The following FBXW7 variants were observed in gnomAD, a reference collection of about 807,000 sequenced individuals.
The protein encoded by FBXW7 is F-box and WD repeat domain containing 7.
A neutral mutation model predicts 86.3 loss-of-function variants in FBXW7; 11 were observed. The ratio of observed to expected loss-of-function variants is 0.13; its 90% CI spans 0.08 to 0.21. The LOEUF is 0.21. FBXW7 is among the 10% of genes least tolerant of loss of function. The pLI is 1.00. For missense variants in FBXW7, 488 were observed against 847.4 expected (o/e 0.58, Z 5.27); for synonymous variants, 313 against 297.9 (o/e 1.05, Z -0.52).
intron 2 of FBXW7, among the ~76,000 whole-genome samples, chr4:152,465,365 A>G (rs1208180137): frequency 6.6e-6 from 1 of 152,220 alleles, no homozygotes; most frequent in Non-Finnish European, 1.5e-5. Flanking sequence ...ATAGGTCACC[A>G]AAATCCTCTT....
chr4:152,436,856 T>G (rs574373182), intron 2 of FBXW7, among the ~76,000 whole-genome samples: 44 of 152,338 alleles, frequency 2.9e-4, no homozygotes, highest in Middle Eastern at 6.8e-3. Flanking sequence ...TGTTGAGACC[T>G]ACTGCTCAGA....
intron 2 of FBXW7, among the ~76,000 whole-genome samples, chr4:152,447,674 G>A (rs1741532147): frequency 1.3e-5 from 2 of 152,024 alleles, no homozygotes; most frequent in South Asian, 4.2e-4. Context: ...ATCCTCATCA[G>A]TATCCCTTAG....
At chr4:152,420,377 C>T (rs1434309970) in intron 2 of FBXW7, among the ~76,000 whole-genome samples, 3 of 152,072 alleles carry the variant, frequency 2.0e-5, no homozygotes, top group East Asian at 3.9e-4. Context: ...TTCAAAGTTG[C>T]CCATGGGGGT....
intron 2 of FBXW7, among the ~76,000 whole-genome samples, chr4:152,486,945 T>C (rs1023230520): frequency 5.9e-5 from 9 of 152,118 alleles, no homozygotes; most frequent in African/African-American, 1.9e-4. Context: ...AACGTCACTA[T>C]GCGATAGAAA....
intron 5 of FBXW7, among the ~76,000 whole-genome samples, chr4:152,349,610 C>A (rs1731608751): frequency 6.6e-6 from 1 of 151,842 alleles, no homozygotes; most frequent in African/African-American, 2.4e-5. Context: ...AAATTTCTAA[C>A]ACATTAATTT....
intron 13 of FBXW7, chr4:152,323,564 AG>A (rs1728734073): frequency 5.4e-6 from 1 of 186,886 alleles, no homozygotes; most frequent in Non-Finnish European, 1.1e-5. Flanking sequence ...AACTCTGAGG[AG>A]AGACAAAACC....
rs150242201 is a variant in FBXW7, at chr4:152,377,804, C to T, written c.502-27680G>A. On this transcript the variant is annotated intron_variant, in intron 4 of 13. Coordinates refer to ENST00000281708, the MANE Select transcript of FBXW7 (RefSeq NM_001349798.2). ...TGATTAGATACGCAAAAATAAAATT[C>T]TTCCTCCCACAAACACAAAGGAACT... is the stretch of plus-strand genomic sequence containing the variant. Among the ~76,000 whole-genome samples the T allele has an allele frequency of 1.3e-3, 188 of 149,864 alleles. 8 individuals are homozygous for T. In the East Asian group the frequency reaches 0.034, roughly 27 times the overall value.
intron 2 of FBXW7, among the ~76,000 whole-genome samples, chr4:152,415,687 G>T (rs1211006601): frequency 2.6e-5 from 4 of 152,052 alleles, no homozygotes; most frequent in Non-Finnish European, 5.9e-5. Context: ...ATGGTTGCCT[G>T]TTGGGTCCTT....
At chr4:152,348,449 G>T in intron 5 of FBXW7, among the ~76,000 whole-genome samples, 1 of 151,846 alleles carries the variant, frequency 6.6e-6, no homozygotes. Context: ...CTTCCTAACC[G>T]AGAGTCTCCA....
At chr4:152,343,676 A>G (rs889393403) in intron 6 of FBXW7, among the ~76,000 whole-genome samples, 18 of 152,168 alleles carry the variant, frequency 1.2e-4, no homozygotes, top group Admixed American at 9.8e-4. Context: ...GAAAAGTTTA[A>G]GTGAAAAACC....
intron 2 of FBXW7, among the ~76,000 whole-genome samples, chr4:152,439,646 A>ACGT (rs1340221615): frequency 6.6e-6 from 1 of 152,098 alleles, no homozygotes; most frequent in East Asian, 1.9e-4. Flanking sequence ...CGGGCCGATC[A>ACGT]CGAGGTCAGG....
At position 152,350,128 on chromosome 4, in the gene FBXW7, T is replaced by C; in HGVS notation, c.502-4A>G. On this transcript the variant is annotated splice_region_variant and splice_polypyrimidine_tract_variant and intron_variant, in intron 4 of 13. Coordinates refer to ENST00000281708, the MANE Select transcript of FBXW7 (RefSeq NM_001349798.2). ...CATGGTCCAACTTTCTTTTCATCTA[T>C]AAGGTAAAACAAACAAGATATGTTT... The C allele has an allele frequency of 6.5e-7, 1 of 1,531,530 alleles. No individual in the cohort carries two copies. The highest frequency in any genetic ancestry group is 8.9e-7 in the Non-Finnish European group (1 of 1,129,270). 94.9% of individuals were successfully genotyped at this position (1,531,530 alleles called of 1,614,324 possible). A position where few individuals can be genotyped will look rare whatever the true frequency, so the allele number is the denominator to read the frequency against.
chr4:152,364,069 T>C (rs1733231841), intron 4 of FBXW7, among the ~76,000 whole-genome samples: 1 of 152,206 alleles, frequency 6.6e-6, no homozygotes, highest in Non-Finnish European at 1.5e-5. Flanking sequence ...ATGCAGCTAA[T>C]TGTGTACTGT....
At chr4:152,426,718 G>A (rs1418109747) in intron 2 of FBXW7, among the ~76,000 whole-genome samples, 5 of 152,200 alleles carry the variant, frequency 3.3e-5, no homozygotes, top group African/African-American at 7.2e-5. Context: ...ACAGACAAGT[G>A]TAGTGGGCCC....
intron 2 of FBXW7, among the ~76,000 whole-genome samples, chr4:152,415,156 G>A (rs1738310854): frequency 6.6e-6 from 1 of 152,144 alleles, no homozygotes; most frequent in Admixed American, 6.6e-5. Context: ...CTGAGAGCCT[G>A]TCTTATATTG....
chr4:152,420,857 C>A (rs888866359), intron 2 of FBXW7, among the ~76,000 whole-genome samples: 3 of 152,102 alleles, frequency 2.0e-5, no homozygotes, highest in Non-Finnish European at 4.4e-5. Flanking sequence ...TCTTAGGACC[C>A]TGTGATTTTC....
At chr4:152,350,733 T>C (rs1237826181) in intron 4 of FBXW7, among the ~76,000 whole-genome samples, 1 of 151,786 alleles carries the variant, frequency 6.6e-6, no homozygotes, top group Non-Finnish European at 1.5e-5. Context: ...GATAGTATAA[T>C]AACGCTGAGG....
intron 4 of FBXW7, among the ~76,000 whole-genome samples, chr4:152,402,266 C>G (rs985230715): frequency 9.2e-5 from 14 of 152,090 alleles, no homozygotes; most frequent in African/African-American, 3.4e-4. Context: ...AATTTATACA[C>G]TAATTCTTTG....
intron 2 of FBXW7, among the ~76,000 whole-genome samples, chr4:152,471,054 A>C (rs911290164): frequency 2.0e-5 from 3 of 152,132 alleles, no homozygotes; most frequent in African/African-American, 7.2e-5. Context: ...CCATACTAGA[A>C]ATTATAATAT....
Sources: gnomAD v4.1 joint callset for allele counts (sites outside exome capture counted in the v4.1 genomes callset) on GRCh38, gnomAD v4.1.1 for gene constraint, MANE v1.5 for transcripts, NCBI Gene and HGNC (gene_info 2026-07-23, HGNC 2026-07-21) for gene names.